HOXC6: variants seen among roughly 807,000 people sequenced by gnomAD.
HOXC6 encodes the protein homeobox C6.
In HOXC6, 10 loss-of-function variants were observed where a neutral mutation model predicts 24.0. That is an observed-to-expected ratio of 0.42 (90% CI 0.26 to 0.71). HOXC6 has a LOEUF of 0.71. Among genes scored for constraint, HOXC6 ranks in the 30% least tolerant of loss-of-function variants. HOXC6 has a pLI of 0.28. For missense variants in HOXC6, 258 were observed against 303.4 expected (o/e 0.85, Z 1.11); for synonymous variants, 123 against 128.1 (o/e 0.96, Z 0.27).
intron 1 of HOXC6, chr12:54,019,820 T>C (rs1322043054): frequency 6.6e-6 from 1 of 152,146 alleles, no homozygotes; most frequent in Non-Finnish European, 1.5e-5. Context: ...CTTTATATAA[T>C]ATTTTAATTG....
intron 1 of HOXC6, among the ~76,000 whole-genome samples, chr12:54,018,834 C>T (rs1344924968): frequency 6.6e-6 from 1 of 152,124 alleles, no homozygotes; most frequent in Admixed American, 6.5e-5. Context: ...GCCAAGACAC[C>T]CCCTCTACCC....
At position 54,030,127 on chromosome 12, in the gene HOXC6, C is replaced by A. The variant is rs1940926902; in HGVS notation, c.*165C>A. On this transcript the variant is annotated 3_prime_UTR_variant, in exon 2 of 2. Transcript: ENST00000243108. The stretch of plus-strand genomic sequence containing the variant: ...GACCTGAAAGTCAGCTCTGGACCCC[C>A]TCCCTCACCGCACAACTCTCTTTCA... 3.1e-6 allele frequency: 2 copies of A among 636,642 alleles called. No individual in the cohort carries two copies. Among genetic ancestry groups the A allele is most frequent in the Non-Finnish European group, 5.3e-6 (2 of 378,766 alleles). The allele number at this position is 636,642 out of a possible 1,614,324, so 39.4% of individuals were successfully genotyped here.
chr12:54,022,839 T>C (rs1940509884), intron 1 of HOXC6, among the ~76,000 whole-genome samples: 1 of 152,136 alleles, frequency 6.6e-6, no homozygotes. Flanking sequence ...CATGAACCTC[T>C]CAAATGGGTC....
intron 1 of HOXC6, 55 bp downstream of exon 1, chr12:54,028,976 C>T (rs991870481): frequency 3.0e-5 from 46 of 1,511,370 alleles, no homozygotes; most frequent in Non-Finnish European, 8.0e-6. Context: ...GCTTTATGAC[C>T]GGCTTCCCTA....
At chr12:54,025,236 TCTG>T (rs2136428345), upstream of HOXC6, among the ~76,000 whole-genome samples, 1 of 152,338 alleles carries the variant, frequency 6.6e-6, no homozygotes, top group Admixed American at 6.5e-5. Context: ...TGTTCTTGCT[TCTG>T]CTGATGAGTT....
In HOXC6 at chr12:54,028,647, G is replaced by A. The variant is rs1378028513; in HGVS notation, c.126G>A (p.Ala42=). Residue 42 remains alanine, a synonymous_variant, in exon 1 of 2, where the codon GCG becomes GCA. Transcript: ENST00000243108. ...TGAGGCATTTCTCGACCTATGGAGC[G>A]GCCGTTGCCCAGAACCGGATCTACT... ...DPVRHFSTYG[A]AVAQNRIYST... The A allele has an allele frequency of 6.2e-6, 10 of 1,614,010 alleles. No individual in the cohort carries two copies. Among genetic ancestry groups the A allele is most frequent in the Admixed American group, 1.7e-5 (1 of 60,006 alleles).
upstream of HOXC6, among the ~76,000 whole-genome samples, chr12:54,028,003 C>T (rs781519577): frequency 6.6e-6 from 1 of 152,140 alleles, no homozygotes; most frequent in Non-Finnish European, 1.5e-5. Flanking sequence ...TAGGGACCCC[C>T]CTCCTGTGCT....
upstream of HOXC6, among the ~76,000 whole-genome samples, chr12:54,026,941 C>T (rs895460762): frequency 4.2e-5 from 6 of 142,450 alleles, no homozygotes; most frequent in Non-Finnish European, 6.1e-5. Context: ...AGCTTTCCCC[C>T]CCCCCAACCC....
chr12:54,019,531 A>G (rs998793498), intron 1 of HOXC6, among the ~76,000 whole-genome samples: 1 of 151,972 alleles, frequency 6.6e-6, no homozygotes, highest in Non-Finnish European at 1.5e-5. Context: ...TTTCGCCTGC[A>G]TTTTGTCCGC....
At chr12:54,024,668 C>A (rs999317779), upstream of HOXC6, among the ~76,000 whole-genome samples, 3 of 152,146 alleles carry the variant, frequency 2.0e-5, no homozygotes, top group African/African-American at 4.8e-5. Context: ...CCAGTCCCAC[C>A]CACCCTTTCC....
At chr12:54,027,742 C>T (rs1014237217), upstream of HOXC6, among the ~76,000 whole-genome samples, 14 of 152,176 alleles carry the variant, frequency 9.2e-5, no homozygotes, top group African/African-American at 3.4e-4. Flanking sequence ...CAAAGGAGAG[C>T]AGATGCGTGG....
At position 54,030,229 on chromosome 12, in the gene HOXC6, T is replaced by C. The variant is rs768523141; in HGVS notation, c.*267T>C. The C allele has an allele frequency of 5.9e-6, 2 of 336,572 alleles. No individual in the cohort carries two copies. Among genetic ancestry groups the C allele is most frequent in the East Asian group, 4.8e-5 (1 of 20,674 alleles). The allele number at this position is 336,572 out of a possible 1,614,324, so 20.8% of individuals were successfully genotyped here. ...ACAGGCCCTTTTCCCCGTCCAGGCC[T>C]TGGGGGCTCGGACCCTGAACTCAGA... On this transcript the variant is annotated 3_prime_UTR_variant, in exon 2 of 2. Coordinates refer to ENST00000243108, the MANE Select transcript of HOXC6 (RefSeq NM_004503.4).
chr12:54,023,169 G>T (rs879661908), intron 1 of HOXC6, among the ~76,000 whole-genome samples: 3 of 152,204 alleles, frequency 2.0e-5, no homozygotes, highest in Non-Finnish European at 4.4e-5. Flanking sequence ...TGGAATAGAG[G>T]TGGGAGGCTT....
rs1218847927 is a variant in HOXC6, at chr12:54,029,967, G to A, written c.*5G>A. The A allele has an allele frequency of 1.9e-6, 3 of 1,538,792 alleles. No homozygotes were observed. In the East Asian group the frequency reaches 6.9e-5, roughly 35 times the overall value. On this transcript the variant is annotated 3_prime_UTR_variant, in exon 2 of 2. Transcript: ENST00000243108. Reference sequence around the variant, plus strand: ...GAGGAGAAGCAGAAAGAGTGACCAGGACTGTCCCTGCCACCCCTCTCTCCC... The same window carrying A: ...GAGGAGAAGCAGAAAGAGTGACCAGAACTGTCCCTGCCACCCCTCTCTCCC...
At chr12:54,027,402 G>A (rs1940769289), upstream of HOXC6, among the ~76,000 whole-genome samples, 1 of 152,218 alleles carries the variant, frequency 6.6e-6, no homozygotes, top group Non-Finnish European at 1.5e-5. Flanking sequence ...GAGCCTGCAG[G>A]AAGCTAACTG....
chr12:54,030,046 A>G lies in HOXC6; in HGVS notation c.*84A>G. On this transcript the variant is annotated 3_prime_UTR_variant, in exon 2 of 2. Transcript: ENST00000243108. Reference sequence around the variant, plus strand: ...CCTAATCACACACTCTGTATTTATCACTGGCACAATTGATGTGTTTTGATT... The same window carrying G: ...CCTAATCACACACTCTGTATTTATCGCTGGCACAATTGATGTGTTTTGATT... The G allele has an allele frequency of 1.6e-6, 2 of 1,281,470 alleles. No individual in the cohort carries two copies. Among genetic ancestry groups the G allele is most frequent in the South Asian group, 3.2e-5 (2 of 62,230 alleles). The allele number at this position is 1,281,470 out of a possible 1,614,324, so 79.4% of individuals were successfully genotyped here.
rs1940931810 is a variant in HOXC6, at chr12:54,030,238, C to T, written c.*276C>T. 6.7e-6 allele frequency: 2 copies of T among 299,712 alleles called. No individual in the cohort carries two copies. The highest frequency in any genetic ancestry group is 9.2e-5 in the South Asian group (1 of 10,838). 18.6% of individuals were successfully genotyped at this position (299,712 alleles called of 1,614,324 possible). ...TTTCCCCGTCCAGGCCTTGGGGGCTCGGACCCTGAACTCAGACTCTACAGA... is the reference window on the plus strand; with the variant it reads ...TTTCCCCGTCCAGGCCTTGGGGGCTTGGACCCTGAACTCAGACTCTACAGA... On this transcript the variant is annotated 3_prime_UTR_variant, in exon 2 of 2. Coordinates refer to ENST00000243108, the MANE Select transcript of HOXC6 (RefSeq NM_004503.4).
chr12:54,024,816 C>T (rs111372546), upstream of HOXC6, among the ~76,000 whole-genome samples: 235 of 152,294 alleles, frequency 1.5e-3, no homozygotes, highest in Non-Finnish European at 2.0e-3. Flanking sequence ...GGACTCCAGG[C>T]CAGTGACTGC....
At chr12:54,028,324 G>A (rs986421637), upstream of HOXC6, 1 of 547,030 alleles carries the variant, frequency 1.8e-6, no homozygotes, top group Non-Finnish European at 3.2e-6. Context: ...CTCAACTAGG[G>A]AATCAACAGA....
Sources: gnomAD v4.1 joint callset for allele counts (sites outside exome capture counted in the v4.1 genomes callset) on GRCh38, gnomAD v4.1.1 for gene constraint, MANE v1.5 for transcripts, NCBI Gene and HGNC (gene_info 2026-07-23, HGNC 2026-07-21) for gene names.